ZFHX3: variants seen among roughly 807,000 people sequenced by gnomAD.
ZFHX3 encodes zinc finger homeobox 3, also known as zinc finger homeobox protein 3.
ZFHX3 carries 42 observed loss-of-function variants against 279.1 expected under a neutral mutation model. The ratio of observed to expected loss-of-function variants is 0.15; its 90% CI spans 0.12 to 0.19. The LOEUF is 0.19. ZFHX3 is among the 10% of genes least tolerant of loss of function. ZFHX3 has a pLI of 1.00. For synonymous variants in ZFHX3, 2,293 were observed against 1,957.8 expected (o/e 1.17, Z -4.52); for missense variants, 4,981 against 4,754.0 (o/e 1.05, Z -1.40).
chr16:73,793,741 G>A (rs1049661816), intron 1 of ZFHX3, among the ~76,000 whole-genome samples: 1 of 152,180 alleles, frequency 6.6e-6, no homozygotes, highest in Non-Finnish European at 1.5e-5. Flanking sequence ...TTGGAATGAA[G>A]AGGAATAAGA....
intron 1 of ZFHX3, among the ~76,000 whole-genome samples, chr16:73,706,159 G>A (rs998351137): frequency 6.6e-6 from 1 of 151,810 alleles, no homozygotes; most frequent in African/African-American, 2.4e-5. Context: ...AACAGAATTA[G>A]AAAAAAAGAA....
chr16:73,603,936 G>T lies in ZFHX3; in HGVS notation c.-1547+76244C>A, dbSNP rs1370017228. 2.0e-5 allele frequency among the ~76,000 whole-genome samples: 3 copies of T among 151,728 alleles called. No homozygotes were observed. In the East Asian group the frequency reaches 5.8e-4, roughly 29 times the overall value. Reference sequence around the variant, plus strand: ...TAGGATTACAGGCATGTGTCACCATGCCCAGCTAATTTTTGTATTTCCAGT... The same window carrying T: ...TAGGATTACAGGCATGTGTCACCATTCCCAGCTAATTTTTGTATTTCCAGT... On this transcript the variant is annotated intron_variant, in intron 2 of 17. Transcript: ENST00000641206.
At chr16:72,861,918 G>C (rs1425084392) in intron 4 of ZFHX3, among the ~76,000 whole-genome samples, 3 of 152,140 alleles carry the variant, frequency 2.0e-5, no homozygotes, top group Admixed American at 2.0e-4. Context: ...GGGAGGCTGA[G>C]GCACGAGAAT....
chr16:72,924,132 T>G lies in ZFHX3; in HGVS notation c.3216+26337A>C, dbSNP rs150552254. ...CAAGGAGAGGCTCACATTTTGTCTT[T>G]CAGAGTTGGTTGCAATAGGTTAGAC... On this transcript the variant is annotated intron_variant, in intron 3 of 9. Coordinates refer to ENST00000268489, the MANE Select transcript of ZFHX3 (RefSeq NM_006885.4). 5.2e-3 allele frequency among the ~76,000 whole-genome samples: 797 copies of G among 152,330 alleles called. 8 individuals carry two copies. Among genetic ancestry groups the G allele is most frequent in the African/African-American group, 0.018 (729 of 41,574 alleles).
chr16:73,596,290 T>C (rs2052049434), intron 2 of ZFHX3, among the ~76,000 whole-genome samples: 1 of 152,166 alleles, frequency 6.6e-6, no homozygotes, highest in Admixed American at 6.5e-5. Flanking sequence ...CCCAAACTGC[T>C]GGGATTACAG....
At chr16:72,949,540 T>C (rs371922851) in intron 3 of ZFHX3, among the ~76,000 whole-genome samples, 2 of 151,874 alleles carry the variant, frequency 1.3e-5, no homozygotes, top group African/African-American at 2.4e-5. Flanking sequence ...CTATTTACAG[T>C]ATCCGGAGCA....
At chr16:72,961,353 C>T (rs1961568581) in intron 1 of ZFHX3, among the ~76,000 whole-genome samples, 1 of 152,230 alleles carries the variant, frequency 6.6e-6, no homozygotes, top group African/African-American at 2.4e-5. Flanking sequence ...GACCTCATGT[C>T]CCTGGGGAGG....
At chr16:73,605,548 A>G (rs2052168712) in intron 2 of ZFHX3, among the ~76,000 whole-genome samples, 1 of 152,146 alleles carries the variant, frequency 6.6e-6, no homozygotes, top group Non-Finnish European at 1.5e-5. Context: ...GTCAAATAGT[A>G]TTAGCCAAAT....
intron 1 of ZFHX3, among the ~76,000 whole-genome samples, chr16:73,856,959 A>T (rs1240721974): frequency 1.3e-5 from 2 of 152,190 alleles, no homozygotes; most frequent in African/African-American, 4.8e-5. Context: ...CGTGAAATGA[A>T]CTCAAGCCCA....
chr16:73,829,998 C>CCCAGCCT (rs1367981942), intron 1 of ZFHX3, among the ~76,000 whole-genome samples: 1 of 110,188 alleles, frequency 9.1e-6, no homozygotes, highest in Non-Finnish European at 1.8e-5. Flanking sequence ...GCGCCCCTCC[C>CCCAGCCT]CCAGCCTCGT....
intron 2 of ZFHX3, among the ~76,000 whole-genome samples, chr16:73,641,963 T>A (rs1486727785): frequency 6.6e-6 from 1 of 151,988 alleles, no homozygotes; most frequent in East Asian, 1.9e-4. Context: ...TGGGCAGGGA[T>A]GGAGACGCTG....
intron 4 of ZFHX3, among the ~76,000 whole-genome samples, chr16:73,279,373 G>A (rs1008064493): frequency 6.6e-5 from 10 of 151,954 alleles, no homozygotes; most frequent in East Asian, 1.9e-4. Flanking sequence ...GTGTATTTAC[G>A]TTTTATCATA....
At chr16:73,722,237 C>G (rs2053480243) in intron 1 of ZFHX3, among the ~76,000 whole-genome samples, 1 of 152,112 alleles carries the variant, frequency 6.6e-6, no homozygotes, top group African/African-American at 2.4e-5. Context: ...CACTTCTGTT[C>G]TGGACAGATT....
intron 3 of ZFHX3, among the ~76,000 whole-genome samples, chr16:73,339,693 C>T (rs1286254127): frequency 6.6e-6 from 1 of 152,130 alleles, no homozygotes; most frequent in Admixed American, 6.5e-5. Context: ...AGTAGGAGGC[C>T]TATGGTAATA....
At chr16:72,872,704 C>T (rs2038194322) in intron 4 of ZFHX3, among the ~76,000 whole-genome samples, 3 of 152,208 alleles carry the variant, frequency 2.0e-5, no homozygotes, top group Admixed American at 6.5e-5. Flanking sequence ...AGTGATCCAC[C>T]CGCCTCGGCC....
chr16:73,010,148 C>T (rs1963863986), intron 1 of ZFHX3, among the ~76,000 whole-genome samples: 1 of 152,156 alleles, frequency 6.6e-6, no homozygotes, highest in Admixed American at 6.5e-5. Context: ...AGAGCAAGGC[C>T]CTTTAACAGC....
intron 5 of ZFHX3, among the ~76,000 whole-genome samples, chr16:72,826,647 C>T (rs1212926794): frequency 6.6e-6 from 1 of 152,172 alleles, no homozygotes; most frequent in African/African-American, 2.4e-5. Flanking sequence ...AATTATGCTT[C>T]GGATCAAAAG....
At chr16:73,566,813 C>T (rs2020457588) in intron 2 of ZFHX3, among the ~76,000 whole-genome samples, 1 of 152,006 alleles carries the variant, frequency 6.6e-6, no homozygotes, top group Admixed American at 6.6e-5. Context: ...GTTCTCCTGC[C>T]TCAGCCTCCA....
At chr16:73,153,239 T>C (rs537499559) in intron 5 of ZFHX3, among the ~76,000 whole-genome samples, 7 of 152,298 alleles carry the variant, frequency 4.6e-5, no homozygotes, top group South Asian at 2.1e-4. Flanking sequence ...GTAAGAATCA[T>C]CTTCGATAAA....
Sources: allele counts gnomAD v4.1 joint callset (sites outside exome capture counted in the v4.1 genomes callset), GRCh38; gene constraint gnomAD v4.1.1; transcripts MANE v1.5; gene names NCBI Gene and HGNC (gene_info 2026-07-23, HGNC 2026-07-21).